The following SEMA4F variants were observed in gnomAD, a reference collection of about 807,000 sequenced individuals.
SEMA4F encodes ssemaphorin 4F.
In SEMA4F, 51 loss-of-function variants were observed where a neutral mutation model predicts 78.4. That is an observed-to-expected ratio of 0.65 (90% CI 0.52 to 0.82). SEMA4F has a LOEUF of 0.82. Ranked by LOEUF, SEMA4F falls within the 40% of genes least tolerant of loss-of-function variation. SEMA4F has a pLI of 0.00. For synonymous variants in SEMA4F, 418 were observed against 408.7 expected, an observed-to-expected ratio of 1.02 and a Z score of -0.27; for missense variants, 938 against 1,014.4, an observed-to-expected ratio of 0.92 and a Z score of 1.02.
downstream of SEMA4F, among the ~76,000 whole-genome samples, chr2:74,685,610 G>T (rs534974830): frequency 6.6e-6 from 1 of 152,054 alleles, no homozygotes; most frequent in Admixed American, 6.6e-5. Flanking sequence ...CCTAGGAAAT[G>T]GGATACTATG....
At chr2:74,701,355 G>A in the SEMA4F span, among the ~76,000 whole-genome samples, 7 of 151,994 alleles carry the variant, frequency 4.6e-5, no homozygotes, top group Non-Finnish European at 7.4e-5. Context: ...CTCTCCCTGC[G>A]CACCTGTCAG....
At chr2:74,699,475 C>A in the SEMA4F span, among the ~76,000 whole-genome samples, 1 of 152,188 alleles carries the variant, frequency 6.6e-6, no homozygotes, top group East Asian at 1.9e-4. Context: ...CTCAGGGGGA[C>A]CTCCAAGTGA....
At chr2:74,701,359 C>G in the SEMA4F span, among the ~76,000 whole-genome samples, 2 of 152,190 alleles carry the variant, frequency 1.3e-5, no homozygotes, top group African/African-American at 4.8e-5. Context: ...CCCTGCGCAC[C>G]TGTCAGTGTC....
At chr2:74,686,413 C>A (rs991805707), downstream of SEMA4F, among the ~76,000 whole-genome samples, 1 of 152,178 alleles carries the variant, frequency 6.6e-6, no homozygotes, top group African/African-American at 2.4e-5. Context: ...AATAGGAACA[C>A]TTTTACAGTG....
intron 12 of SEMA4F, among the ~76,000 whole-genome samples, chr2:74,677,203 A>G (rs576229864): frequency 6.6e-6 from 1 of 152,188 alleles, no homozygotes; most frequent in East Asian, 1.9e-4. Context: ...CGCCCAGCCC[A>G]GGACTCTTAA....
chr2:74,686,454 G>A (rs754998675), downstream of SEMA4F, among the ~76,000 whole-genome samples: 1 of 152,216 alleles, frequency 6.6e-6, no homozygotes, highest in Non-Finnish European at 1.5e-5. Context: ...TTCCACCATT[G>A]TGGAGGACAG....
At position 74,668,474 on chromosome 2, in the gene SEMA4F, T is replaced by A. The variant is rs569883048; in HGVS notation, c.551-4983T>A. ...TAATAGGCTTAAAGAATTTTTTTTT[T>A]AAAAAATATCCAGCTGGCTCAATCC... is the stretch of plus-strand genomic sequence containing the variant. On this transcript the variant is annotated intron_variant, in intron 5 of 13. Coordinates refer to ENST00000357877, the MANE Select transcript of SEMA4F (RefSeq NM_004263.5). 2.7e-3 allele frequency among the ~76,000 whole-genome samples: 416 copies of A among 152,150 alleles called. 5 individuals are homozygous for A. Among genetic ancestry groups the A allele is most frequent in the Middle Eastern group, 0.014 (4 of 294 alleles).
intron 5 of SEMA4F, among the ~76,000 whole-genome samples, chr2:74,668,819 G>A (rs1345340900): frequency 6.6e-6 from 1 of 151,232 alleles, no homozygotes; most frequent in Non-Finnish European, 1.5e-5. Flanking sequence ...TAGCAGAGAC[G>A]GGGTTTTGCC....
intron 5 of SEMA4F, among the ~76,000 whole-genome samples, chr2:74,671,542 C>A (rs1320741695): frequency 6.6e-6 from 1 of 152,218 alleles, no homozygotes; most frequent in Admixed American, 6.5e-5. Flanking sequence ...GTAGCTCTCC[C>A]CTTAAATGAG....
In SEMA4F at chr2:74,674,658, G is replaced by A. The variant is rs761399166; in HGVS notation, c.983G>A (p.Gly328Asp). 1 of 1,614,010 alleles carries A rather than the reference G, an allele frequency of 6.2e-7. No individual in the cohort carries two copies. The highest frequency in any genetic ancestry group is 8.5e-7 in the Non-Finnish European group (1 of 1,179,986). Residue 328 changes from glycine to aspartate, a missense_variant, in exon 8 of 14, where the codon GGC becomes GAC. Physicochemically the swap from Gly to Asp is moderately conservative, Grantham distance 94. Coordinates refer to ENST00000357877, the MANE Select transcript of SEMA4F (RefSeq NM_004263.5). ...ELGAGTPIFY[G>D]IFSSQWEGAT... is the part of the protein sequence containing the mutation. The stretch of plus-strand genomic sequence containing the variant: ...GGGGCAGGGACTCCCATCTTTTATG[G>A]CATCTTTTCTTCCCAGTGGTGAGGG...
chr2:74,690,707 A>G, the SEMA4F span, among the ~76,000 whole-genome samples: 1 of 152,234 alleles, frequency 6.6e-6, no homozygotes, highest in Admixed American at 6.5e-5. Context: ...CTAACATTGA[A>G]CACAAGTTTG....
chr2:74,680,867 T>G lies in SEMA4F; in HGVS notation c.*658T>G, dbSNP rs1685576255. 6.6e-6 allele frequency: 1 copy of G among 152,154 alleles called. No individual in the cohort carries two copies. Among genetic ancestry groups the G allele is most frequent in the African/African-American group, 2.4e-5 (1 of 41,408 alleles). The allele number at this position is 152,154 out of a possible 1,614,324, so 9.4% of individuals were successfully genotyped here. A position where few individuals can be genotyped will look rare whatever the true frequency, so the allele number is the denominator to read the frequency against. ...GAATGGGGGCGTTGCCTGCAGAACT[T>G]TAGACCCTGTAGCCATAGAGGGAAT... On this transcript the variant is annotated 3_prime_UTR_variant, in exon 14 of 14. Transcript: ENST00000357877.
chr2:74,700,855 G>A, the SEMA4F span, among the ~76,000 whole-genome samples: 3 of 152,312 alleles, frequency 2.0e-5, no homozygotes, highest in African/African-American at 4.8e-5. Context: ...TTCAGTTCCT[G>A]GTTCTTGTGC....
Position 74,663,999 on chromosome 2 carries a change from T to C in SEMA4F, c.550+1174T>C, listed in dbSNP as rs140578300. Reference sequence around the variant, plus strand: ...TTTTGAACAAGCTGCCTGTGATTCCTCAAGTGTGAAATGATTCTATCACAA... The same window carrying C: ...TTTTGAACAAGCTGCCTGTGATTCCCCAAGTGTGAAATGATTCTATCACAA... On this transcript the variant is annotated intron_variant, in intron 5 of 13. Coordinates refer to ENST00000357877, the MANE Select transcript of SEMA4F (RefSeq NM_004263.5). Among the ~76,000 whole-genome samples the C allele has an allele frequency of 1.9e-3, 284 of 152,322 alleles. 1 individual carries two copies. The highest frequency in any genetic ancestry group is 6.8e-3 in the Middle Eastern group (2 of 294).
chr2:74,689,589 ATGT>A, the SEMA4F span, among the ~76,000 whole-genome samples: 3 of 152,202 alleles, frequency 2.0e-5, no homozygotes, highest in African/African-American at 7.2e-5. Context: ...TAAGCCTAAA[ATGT>A]TGGGAAAAAA....
chr2:74,654,395 C>G lies in SEMA4F; in HGVS notation c.19C>G (p.Arg7Gly). MPASAA[R>G]PRPGPGQPTA... ...GCCAAAGATGCCGGCCTCTGCTGCG[C>G]GGCCCCGCCCGGGTCCCGGGCAGCC... The change falls in exon 1 of 14, where the codon CGG (arginine) becomes GGG (glycine). Residue 7 changes from arginine (R) to glycine (G), a missense_variant. Coordinates refer to ENST00000357877, the MANE Select transcript of SEMA4F (RefSeq NM_004263.5). 1 of 1,521,128 alleles carries G rather than the reference C, an allele frequency of 6.6e-7. No homozygotes were observed. The highest frequency in any genetic ancestry group is 8.8e-7 in the Non-Finnish European group (1 of 1,142,614). 94.2% of individuals were successfully genotyped at this position (1,521,128 alleles called of 1,614,324 possible).
Position 74,680,181 on chromosome 2 carries a change from T to C in SEMA4F, c.2285T>C (p.Leu762Pro), listed in dbSNP as rs1685538070. Residue 762 changes from leucine to proline, a missense_variant, in exon 14 of 14, where the codon CTA (leucine) becomes CCA (proline). Transcript: ENST00000357877. Reference protein sequence around the residue: ...PAHIRLTGAPLATCDETSI With the variant: ...PAHIRLTGAPPATCDETSI The stretch of plus-strand genomic sequence containing the variant: ...CACATTCGGCTAACTGGGGCTCCTC[T>C]AGCCACATGTGATGAAACATCCATC... The C allele has an allele frequency of 1.3e-6, 2 of 1,585,574 alleles. No individual in the cohort carries two copies. Among genetic ancestry groups the C allele is most frequent in the Non-Finnish European group, 1.7e-6 (2 of 1,161,208 alleles).
chr2:74,672,644 C>G (rs1685044358), intron 5 of SEMA4F, among the ~76,000 whole-genome samples: 1 of 152,176 alleles, frequency 6.6e-6, no homozygotes, highest in South Asian at 2.1e-4. Flanking sequence ...ACAGTTCTCT[C>G]CCATTCAACC....
At chr2:74,676,940 C>T (rs1219064269) in intron 12 of SEMA4F, among the ~76,000 whole-genome samples, 2 of 152,206 alleles carry the variant, frequency 1.3e-5, no homozygotes, top group Non-Finnish European at 2.9e-5. Flanking sequence ...CTCACTCTGT[C>T]GCCCAGGCTG....
Sources: gnomAD v4.1 joint callset for allele counts (sites outside exome capture counted in the v4.1 genomes callset) on GRCh38, gnomAD v4.1.1 for gene constraint, MANE v1.5 for transcripts, NCBI Gene and HGNC (gene_info 2026-07-23, HGNC 2026-07-21) for gene names.